Variants in CUL2 observed in about 807,000 individuals in gnomAD.
The protein encoded by CUL2 is cullin-2.
A neutral mutation model predicts 110.2 loss-of-function variants in CUL2; 22 were observed. The ratio of observed to expected loss-of-function variants is 0.20; its 90% CI spans 0.14 to 0.28. The LOEUF (loss-of-function observed/expected upper bound fraction) is 0.28, where lower values mean the gene tolerates loss of function less well. Ranked by LOEUF, CUL2 falls within the 10% of genes least tolerant of loss-of-function variation. The pLI is 1.00. For missense variants in CUL2, 631 were observed against 905.5 expected, an observed-to-expected ratio of 0.70 and a Z score of 3.89; for synonymous variants, 279 against 293.2, an observed-to-expected ratio of 0.95 and a Z score of 0.49.
intron 1 of CUL2, among the ~76,000 whole-genome samples, chr10:35,104,201 C>T (rs1382766872): frequency 2.0e-5 from 3 of 152,164 alleles, no homozygotes; most frequent in African/African-American, 4.8e-5. Flanking sequence ...AATCCCAGCA[C>T]TTACGGATGC....
intron 17 of CUL2, among the ~76,000 whole-genome samples, chr10:35,021,350 G>A (rs538314733): frequency 1.1e-4 from 17 of 150,800 alleles, no homozygotes; most frequent in African/African-American, 2.4e-4. Context: ...TCCGCCACCC[G>A]GGTTCATGCC....
At chr10:35,033,415 G>A in intron 10 of CUL2, 142 bp from the exon 11 acceptor site, 1 of 613,514 alleles carries the variant, frequency 1.6e-6, no homozygotes, top group South Asian at 2.0e-5. Context: ...AATGGTTTTA[G>A]CTAAGACGGT....
At position 35,063,559 on chromosome 10, in the gene CUL2, G is replaced by A. The variant is rs940358894; in HGVS notation, c.120-497C>T. Among the ~76,000 whole-genome samples the A allele has an allele frequency of 1.6e-4, 24 of 152,164 alleles. No individual in the cohort carries two copies. In the East Asian group the frequency reaches 2.7e-3, roughly 17 times the overall value. On this transcript the variant is annotated intron_variant, in intron 2 of 20. Transcript: ENST00000374749. ...ATCATAGCAGTCAGGATACTCTACC[G>A]TTATTCTATCAGAAGAAATATACCA...
At chr10:35,085,885 G>A (rs1431630403) in intron 1 of CUL2, among the ~76,000 whole-genome samples, 2 of 152,118 alleles carry the variant, frequency 1.3e-5, no homozygotes, top group Admixed American at 1.3e-4. Flanking sequence ...CATAAGGGTT[G>A]AAAAACGGTT....
At chr10:35,061,769 GTTTT>G (rs570989508) in intron 3 of CUL2, among the ~76,000 whole-genome samples, 4 of 128,506 alleles carry the variant, frequency 3.1e-5, no homozygotes, top group Non-Finnish European at 5.0e-5. Context: ...ACTTATGAGG[GTTTT>G]TTTTTTTTTT....
intron 4 of CUL2, among the ~76,000 whole-genome samples, chr10:35,059,586 G>A (rs941494070): frequency 9.8e-5 from 15 of 152,288 alleles, no homozygotes; most frequent in African/African-American, 3.1e-4. Context: ...CAAACAACTT[G>A]TGTGACTTGT....
rs2084960649 is a variant in CUL2, at chr10:35,013,725, T to C, written c.1963A>G (p.Thr655Ala). ...TGTGGTGTGTCTTTCTGCATTGATG[T>C]AGTAATTTTAAATTTTGTTCTTTTA... ...SSKRTKFKIT[T>A]SMQKDTPQEM... Residue 655 changes from threonine to alanine, a missense_variant, in exon 19 of 21, where the codon ACA becomes GCA. Transcript: ENST00000374749. 2 of 1,567,764 alleles carry C rather than the reference T, an allele frequency of 1.3e-6. No homozygotes were observed. Among genetic ancestry groups the C allele is most frequent in the Admixed American group, 1.9e-5 (1 of 53,882 alleles).
At chr10:35,058,558 T>G (rs2086302066) in intron 4 of CUL2, among the ~76,000 whole-genome samples, 1 of 152,206 alleles carries the variant, frequency 6.6e-6, no homozygotes, top group African/African-American at 2.4e-5. Context: ...TGTCGATTCT[T>G]AGCTGATAAT....
chr10:35,038,812 A>G (rs1267417555), intron 9 of CUL2, 108 bp downstream of exon 9: 6 of 631,142 alleles, frequency 9.5e-6, no homozygotes, highest in African/African-American at 9.3e-5. Flanking sequence ...GTTATTTAAA[A>G]TATTTTAAAG....
At chr10:35,058,995 T>C (rs1005739485) in intron 4 of CUL2, among the ~76,000 whole-genome samples, 12 of 152,158 alleles carry the variant, frequency 7.9e-5, no homozygotes, top group African/African-American at 2.9e-4. Flanking sequence ...TCAAGAGAAC[T>C]CAGAAGTGGA....
chr10:35,076,010 C>T (rs1489854483), intron 1 of CUL2, among the ~76,000 whole-genome samples: 3 of 152,018 alleles, frequency 2.0e-5, no homozygotes, highest in Admixed American at 6.6e-5. Flanking sequence ...TTCATAAAGG[C>T]CCTTGAAATA....
chr10:35,095,611 T>G (rs1169493471), upstream of CUL2, among the ~76,000 whole-genome samples: 2 of 152,106 alleles, frequency 1.3e-5, no homozygotes, highest in African/African-American at 2.4e-5. Context: ...CGGGCTGGAG[T>G]GCAGTGGTGT....
At chr10:35,080,993 C>T (rs2086933720) in intron 1 of CUL2, among the ~76,000 whole-genome samples, 1 of 152,034 alleles carries the variant, frequency 6.6e-6, no homozygotes, top group African/African-American at 2.4e-5. Flanking sequence ...GTGGGAGGAT[C>T]ACTTGAGCCT....
intron 4 of CUL2, 40 bp from the exon 5 acceptor site, chr10:35,054,579 G>T (rs781697433): frequency 5.2e-6 from 6 of 1,154,010 alleles, no homozygotes; most frequent in Non-Finnish European, 7.5e-6. Context: ...TTAAGTTAAA[G>T]TCAGTAGGAA....
In CUL2 at chr10:35,066,314, T is replaced by C. The variant is rs1772676122; in HGVS notation, c.120-3252A>G. Among the ~76,000 whole-genome samples the C allele has an allele frequency of 2.0e-5, 3 of 152,172 alleles. No individual in the cohort carries two copies. The South Asian group carries it at 6.2e-4, about 31-fold the overall frequency. On this transcript the variant is annotated intron_variant, in intron 2 of 20. Coordinates refer to ENST00000374749, the MANE Select transcript of CUL2 (RefSeq NM_003591.4). ...TAAAAAAGAATTTGCTGACTTTTTT[T>C]TTTTTTGAGACGGAGTTTCGCTCTT...
At chr10:35,118,540 CCCTT>C (rs1434987352) in intron 1 of CUL2, 1 of 152,190 alleles carries the variant, frequency 6.6e-6, no homozygotes, top group Non-Finnish European at 1.5e-5. Context: ...CCAACATTCT[CCCTT>C]CTTTCTCTGA....
At chr10:35,113,760 G>A (rs1343547061) in intron 1 of CUL2, among the ~76,000 whole-genome samples, 2 of 151,462 alleles carry the variant, frequency 1.3e-5, no homozygotes, top group African/African-American at 2.4e-5. Flanking sequence ...AGGCTGGAAT[G>A]CAGTGGCACG....
chr10:35,100,636 C>T (rs2087363385), intron 2 of CUL2, among the ~76,000 whole-genome samples: 1 of 151,582 alleles, frequency 6.6e-6, no homozygotes, highest in Non-Finnish European at 1.5e-5. Context: ...GTGGTGCATA[C>T]CTGTAATCCC....
At chr10:35,048,854 T>C (rs2086018856) in intron 6 of CUL2, among the ~76,000 whole-genome samples, 1 of 152,190 alleles carries the variant, frequency 6.6e-6, no homozygotes, top group South Asian at 2.1e-4. Context: ...GTGTGTTTAA[T>C]CCCTTACTTC....
Sources: allele counts gnomAD v4.1 joint callset (sites outside exome capture counted in the v4.1 genomes callset), GRCh38; gene constraint gnomAD v4.1.1; transcripts MANE v1.5; gene names NCBI Gene and HGNC (gene_info 2026-07-23, HGNC 2026-07-21).